The following CAPN13 variants were observed in gnomAD, a reference collection of about 807,000 sequenced individuals.
CAPN13 encodes the protein calpain-13.
A neutral mutation model predicts 98.4 loss-of-function variants in CAPN13; 90 were observed. That is an observed-to-expected ratio of 0.92 (90% CI 0.77 to 1.09). The LOEUF is 1.09. Among genes scored for constraint, CAPN13 ranks in the 50% least tolerant of loss-of-function variants. The probability of loss-of-function intolerance (pLI) is 0.00; values close to 1 mark genes in which losing one functional copy is unlikely to be tolerated. For missense variants in CAPN13, 887 were observed against 841.3 expected (o/e 1.05, Z -0.67); for synonymous variants, 330 against 305.5 (o/e 1.08, Z -0.84).
intron 1 of CAPN13, among the ~76,000 whole-genome samples, chr2:30,800,172 GAAAGAAA>G (rs1558351861): frequency 9.9e-5 from 15 of 151,156 alleles, no homozygotes; most frequent in African/African-American, 3.2e-4. Flanking sequence ...AAGAAAGAAA[GAAAGAAA>G]GAAAGAAAGA....
At chr2:30,762,361 G>A (rs1408292823) in intron 7 of CAPN13, among the ~76,000 whole-genome samples, 5 of 152,200 alleles carry the variant, frequency 3.3e-5, no homozygotes, top group Non-Finnish European at 5.9e-5. Context: ...TCTTCCATGA[G>A]AATAAAGTTT....
chr2:30,792,506 C>T (rs1467644439), intron 1 of CAPN13, among the ~76,000 whole-genome samples: 1 of 151,958 alleles, frequency 6.6e-6, no homozygotes, highest in Non-Finnish European at 1.5e-5. Flanking sequence ...AAAGTTGACA[C>T]AGAAGAAACA....
At chr2:30,734,103 C>T (rs2681677) in intron 19 of CAPN13, among the ~76,000 whole-genome samples, 27,800 of 152,178 alleles carry the variant, frequency 0.18, 3,330 homozygotes, top group Non-Finnish European at 0.27. Context: ...GGTATTTAAC[C>T]CTGATGGCCC....
rs1671706225 is a variant in CAPN13 at position 30,742,364 on chromosome 2, A to AAAATC, written c.1446-10_1446-6dup. 1 of 1,604,400 alleles carries AAAATC rather than the reference A, an allele frequency of 6.2e-7. No homozygotes were observed. Among genetic ancestry groups the AAAATC allele is most frequent in the Non-Finnish European group, 8.5e-7 (1 of 1,175,478 alleles). On this transcript the variant is annotated splice_polypyrimidine_tract_variant and splice_region_variant and intron_variant, in intron 13 of 22. Coordinates refer to ENST00000295055, the MANE Select transcript of CAPN13 (RefSeq NM_144575.3). ...TTGAAATGGCTGCTCAGGTGCCTAG[A>AAAATC]AAATCAGAGGACAGTGTGACAAAGA...
chr2:30,803,208 A>G (rs1323811587), intron 1 of CAPN13, among the ~76,000 whole-genome samples: 1 of 152,214 alleles, frequency 6.6e-6, no homozygotes, highest in Non-Finnish European at 1.5e-5. Flanking sequence ...GGCGAGAAGA[A>G]CAGGGGCAAA....
At chr2:30,778,944 G>A (rs549299700) in intron 2 of CAPN13, among the ~76,000 whole-genome samples, 18 of 152,264 alleles carry the variant, frequency 1.2e-4, no homozygotes, top group South Asian at 2.1e-4. Flanking sequence ...GAGGGCCTTC[G>A]GCTGCATGCA....
At chr2:30,785,669 A>G (rs1478246848) in intron 2 of CAPN13, among the ~76,000 whole-genome samples, 2 of 152,174 alleles carry the variant, frequency 1.3e-5, no homozygotes, top group African/African-American at 4.8e-5. Flanking sequence ...GAATCTCTCA[A>G]TCCTTTCTAA....
At chr2:30,729,331 G>A (rs559504780) in intron 22 of CAPN13, among the ~76,000 whole-genome samples, 53 of 152,288 alleles carry the variant, frequency 3.5e-4, no homozygotes, top group African/African-American at 1.2e-3. Context: ...AAGTAAACAC[G>A]ACAATGCCTC....
At chr2:30,790,007 G>T (rs2148080447) in intron 1 of CAPN13, among the ~76,000 whole-genome samples, 1 of 152,342 alleles carries the variant, frequency 6.6e-6, no homozygotes, top group African/African-American at 2.4e-5. Flanking sequence ...GTCTGCTGCT[G>T]CGGAGGTGGG....
At chr2:30,747,735 C>T (rs1489404874) in intron 11 of CAPN13, among the ~76,000 whole-genome samples, 1 of 152,204 alleles carries the variant, frequency 6.6e-6, no homozygotes, top group Non-Finnish European at 1.5e-5. Flanking sequence ...GAGAGCCTGG[C>T]TGCTGGCAGG....
intron 5 of CAPN13, among the ~76,000 whole-genome samples, chr2:30,767,676 A>T (rs1673178918): frequency 6.6e-6 from 1 of 152,240 alleles, no homozygotes; most frequent in Non-Finnish European, 1.5e-5. Flanking sequence ...CTCAAATGCT[A>T]ATGAGCAGCT....
chr2:30,801,947 T>C (rs1675305466), intron 1 of CAPN13, among the ~76,000 whole-genome samples: 2 of 152,196 alleles, frequency 1.3e-5, no homozygotes, highest in Admixed American at 1.3e-4. Flanking sequence ...GGAATGCAGA[T>C]GATGTGACTC....
At chr2:30,782,566 C>T (rs1297594097) in intron 2 of CAPN13, among the ~76,000 whole-genome samples, 1 of 152,164 alleles carries the variant, frequency 6.6e-6, no homozygotes, top group Non-Finnish European at 1.5e-5. Context: ...CAAGGTGAGT[C>T]GTTTCTAGTG....
Position 30,770,458 on chromosome 2 carries a change from G to T in CAPN13, c.388-9C>A. ...TGGCCACATTGCCAGAACTGGAAGA[G>T]AGCCAAGCATATGCTTTGACAGAGT... On this transcript the variant is annotated splice_polypyrimidine_tract_variant and intron_variant, in intron 4 of 22. Coordinates refer to ENST00000295055, the MANE Select transcript of CAPN13 (RefSeq NM_144575.3). The T allele has an allele frequency of 6.2e-7, 1 of 1,613,492 alleles. No individual in the cohort carries two copies. The highest frequency in any genetic ancestry group is 8.5e-7 in the Non-Finnish European group (1 of 1,179,546).
chr2:30,743,541 C>T lies in CAPN13; in HGVS notation c.1287G>A (p.Ser429=), dbSNP rs752920214. The T allele has an allele frequency of 2.8e-5, 45 of 1,613,522 alleles. No individual in the cohort carries two copies. The highest frequency in any genetic ancestry group is 8.3e-5 in the Admixed American group (5 of 59,964). ...REKFPPVFFS[S]FRNTVQSSNN... is the part of the protein sequence containing the mutation. ...TTGAGCTTTGGACAGTGTTTCTGAA[C>T]GAGGAAAAAAACACGGGTGGAAATT... The change falls in exon 13 of 23, where the codon TCG becomes TCA. Residue 429 remains serine (S), a synonymous_variant. Coordinates refer to ENST00000295055, the MANE Select transcript of CAPN13 (RefSeq NM_144575.3).
chr2:30,779,033 A>G (rs1198338316), intron 2 of CAPN13, among the ~76,000 whole-genome samples: 2 of 152,304 alleles, frequency 1.3e-5, no homozygotes, highest in East Asian at 3.9e-4. Context: ...CTACTGGAAA[A>G]GGGGACTTAG....
chr2:30,777,534 C>T (rs1394726828), intron 3 of CAPN13, 33 bp downstream of exon 3: 3 of 1,542,016 alleles, frequency 1.9e-6, no homozygotes, highest in Admixed American at 1.9e-5. Flanking sequence ...CACTTCCTAT[C>T]CAGGGCACGG....
rs764423600 is a variant in CAPN13 at position 30,736,549 on chromosome 2, T to A, written c.1676A>T (p.Asp559Val). 6.2e-7 allele frequency: 1 copy of A among 1,613,986 alleles called. No individual in the cohort carries two copies. Among genetic ancestry groups the A allele is most frequent in the Non-Finnish European group, 8.5e-7 (1 of 1,179,884 alleles). Residue 559 changes from aspartate to valine, a missense_variant, in exon 18 of 23, where the codon GAC (aspartate) becomes GTC (valine). Physicochemically the swap from Asp to Val is radical, Grantham distance 152 (BLOSUM62 -3). Transcript: ENST00000295055. ...LMELKVNGRL[D>V]QEEFARLWKR... ...CCACAGTCGCGCAAACTCCTCTTGG[T>A]CTAGCCGCCCATTCACTTTCAGCTG...
At chr2:30,782,397 C>T (rs1056271113) in intron 2 of CAPN13, among the ~76,000 whole-genome samples, 12 of 152,204 alleles carry the variant, frequency 7.9e-5, no homozygotes, top group East Asian at 3.8e-4. Context: ...GATTTATTGG[C>T]ATCAAAGTTC....
Sources: allele counts gnomAD v4.1 joint callset (sites outside exome capture counted in the v4.1 genomes callset), GRCh38; gene constraint gnomAD v4.1.1; transcripts MANE v1.5; gene names NCBI Gene and HGNC (gene_info 2026-07-23, HGNC 2026-07-21).